The following ADAMTS18 variants were observed in gnomAD, a reference collection of about 807,000 sequenced individuals.
ADAMTS18 encodes ADAM metallopeptidase with thrombospondin type 1 motif 18.
A neutral mutation model predicts 165.9 loss-of-function variants in ADAMTS18; 157 were observed. The ratio of observed to expected loss-of-function variants is 0.95; its 90% confidence interval spans 0.83 to 1.08. The LOEUF (loss-of-function observed/expected upper bound fraction) is 1.08. ADAMTS18 is among the 50% of genes least tolerant of loss of function. The pLI, the probability that ADAMTS18 is intolerant of heterozygous loss-of-function variation, is 0.00. For missense variants in ADAMTS18, 2,040 were observed against 1,534.0 expected (o/e 1.33, Z -5.51); for synonymous variants, 782 against 578.2 (o/e 1.35, Z -5.06).
intron 3 of ADAMTS18, among the ~76,000 whole-genome samples, chr16:77,424,884 T>C (rs1245670086): frequency 2.6e-5 from 4 of 152,132 alleles, no homozygotes; most frequent in Non-Finnish European, 4.4e-5. Context: ...AAACCCCTAC[T>C]AGCTAACAAG....
chr16:77,310,313 A>C (rs1175296890), intron 16 of ADAMTS18, among the ~76,000 whole-genome samples: 2 of 152,206 alleles, frequency 1.3e-5, no homozygotes, highest in East Asian at 3.9e-4. Flanking sequence ...TAAATGAGTC[A>C]TTGTCTGATA....
At chr16:77,338,372 A>T (rs889513316) in intron 11 of ADAMTS18, among the ~76,000 whole-genome samples, 1 of 151,868 alleles carries the variant, frequency 6.6e-6, no homozygotes, top group Admixed American at 6.6e-5. Context: ...AGTAGCTGGG[A>T]TTACTGGCGT....
rs540796408 is a variant in ADAMTS18 at position 77,412,990 on chromosome 16, C to T, written c.495+18305G>A. Among the ~76,000 whole-genome samples the T allele has an allele frequency of 3.9e-5, 6 of 152,198 alleles. No individual in the cohort carries two copies. The East Asian group carries it at 9.7e-4, about 25-fold the overall frequency. ...GTGATTGCAAGCATGAGACACCATGCCTGGCCCTTATAATGCATTTCTTTA... is the reference window on the plus strand; with the variant it reads ...GTGATTGCAAGCATGAGACACCATGTCTGGCCCTTATAATGCATTTCTTTA... On this transcript the variant is annotated intron_variant, in intron 3 of 22. Transcript: ENST00000282849.
intron 16 of ADAMTS18, among the ~76,000 whole-genome samples, chr16:77,315,827 A>C (rs1468549636): frequency 6.6e-6 from 1 of 152,194 alleles, no homozygotes; most frequent in Non-Finnish European, 1.5e-5. Context: ...TTGCATATTC[A>C]TTCCAAGGCT....
At chr16:77,331,970 A>G (rs900870234) in intron 12 of ADAMTS18, among the ~76,000 whole-genome samples, 1 of 152,196 alleles carries the variant, frequency 6.6e-6, no homozygotes, top group African/African-American at 2.4e-5. Context: ...CTTTTGCTCT[A>G]GTGTCATTAT....
At chr16:77,296,136 A>C (rs1464328811) in intron 18 of ADAMTS18, among the ~76,000 whole-genome samples, 2 of 152,186 alleles carry the variant, frequency 1.3e-5, no homozygotes, top group African/African-American at 4.8e-5. Context: ...TGGTGAATGC[A>C]ACACTGCTTT....
chr16:77,323,415 AG>A (rs772111403), intron 13 of ADAMTS18, among the ~76,000 whole-genome samples: 5 of 152,202 alleles, frequency 3.3e-5, no homozygotes, highest in Admixed American at 6.5e-5. Flanking sequence ...GTGGGTTAAA[AG>A]GTTCTCTCCC....
rs1555529677 is a variant in ADAMTS18 at position 77,430,173 on chromosome 16, C to CAAAA, written c.495+1118_495+1121dup. Among the ~76,000 whole-genome samples, 22 of 151,710 alleles carry CAAAA rather than the reference C, an allele frequency of 1.5e-4. No individual in the cohort carries two copies. The South Asian group carries it at 1.5e-3, about 10-fold the overall frequency. On this transcript the variant is annotated intron_variant, in intron 3 of 22. Transcript: ENST00000282849. ...CAAAACAAACAAACAAACAAACAAA[C>CAAAA]AAAAAAACAAGATATAGTCATGTGT...
chr16:77,364,459 A>G, intron 4 of ADAMTS18, 78 bp from the exon 5 acceptor site: 1 of 1,473,646 alleles, frequency 6.8e-7, no homozygotes. Flanking sequence ...AACTGAAACA[A>G]GGGAAGAAGA....
At chr16:77,308,528 G>C (rs1027342345) in intron 16 of ADAMTS18, among the ~76,000 whole-genome samples, 16 of 150,466 alleles carry the variant, frequency 1.1e-4, no homozygotes, top group African/African-American at 3.9e-4. Context: ...CTCATCTCTA[G>C]TCACTTCTAG....
chr16:77,362,309 A>G, intron 6 of ADAMTS18, 45 bp from the exon 7 acceptor site: 1 of 1,604,164 alleles, frequency 6.2e-7, no homozygotes, highest in South Asian at 1.1e-5. Flanking sequence ...TGTCACAGAG[A>G]TGAGAATGCT....
At chr16:77,375,933 G>C (rs274521) in intron 3 of ADAMTS18, among the ~76,000 whole-genome samples, 111,019 of 132,964 alleles carry the variant, frequency 0.83, 45,897 homozygotes, top group East Asian at 0.92. Flanking sequence ...GACGGAGTTT[G>C]GCTCTTGTTG....
At chr16:77,397,615 A>C (rs1329140126) in intron 3 of ADAMTS18, among the ~76,000 whole-genome samples, 2 of 152,242 alleles carry the variant, frequency 1.3e-5, no homozygotes, top group African/African-American at 4.8e-5. Flanking sequence ...AGAGCATGAG[A>C]AGAAAATAGG....
At chr16:77,371,054 A>C (rs2056869215) in intron 3 of ADAMTS18, among the ~76,000 whole-genome samples, 1 of 152,104 alleles carries the variant, frequency 6.6e-6, no homozygotes, top group Non-Finnish European at 1.5e-5. Context: ...GTCTCTACAA[A>C]AACTACAAAT....
intron 3 of ADAMTS18, among the ~76,000 whole-genome samples, chr16:77,395,995 T>C (rs1388099062): frequency 6.6e-6 from 1 of 152,178 alleles, no homozygotes; most frequent in African/African-American, 2.4e-5. Flanking sequence ...CATTTAGTAT[T>C]CCTAACAGCA....
chr16:77,354,231 T>C lies in ADAMTS18; in HGVS notation c.1461-345A>G, dbSNP rs1597160175. On this transcript the variant is annotated intron_variant, in intron 9 of 22. Transcript: ENST00000282849. ...CAATTTGTACTGAGTCCCTACTCTG[T>C]GGCAAACCTTAGACAAAGCACTAAA... is the stretch of plus-strand genomic sequence containing the variant. Among the ~76,000 whole-genome samples the C allele has an allele frequency of 2.6e-5, 4 of 152,302 alleles. No homozygotes were observed. The South Asian group carries it at 8.3e-4, about 32-fold the overall frequency.
intron 12 of ADAMTS18, among the ~76,000 whole-genome samples, chr16:77,329,104 C>CT (rs368507724): frequency 0.021 from 3,090 of 145,578 alleles, 59 homozygotes; most frequent in African/African-American, 0.051. Flanking sequence ...GAGATTCTCT[C>CT]TTTTTTTTTT....
chr16:77,362,706 A>C (rs569539817), intron 6 of ADAMTS18, among the ~76,000 whole-genome samples: 4 of 151,508 alleles, frequency 2.6e-5, no homozygotes, highest in East Asian at 3.9e-4. Context: ...ATATAATGAA[A>C]ATTCACTGAA....
Position 77,321,132 on chromosome 16 carries a change from T to G in ADAMTS18, c.2234A>C (p.Asn745Thr), listed in dbSNP as rs774167487. The G allele has an allele frequency of 9.3e-6, 15 of 1,614,082 alleles. No homozygotes were observed. The highest frequency in any genetic ancestry group is 1.0e-5 in the Non-Finnish European group (12 of 1,180,022). The change falls in exon 15 of 23, where the codon AAT becomes ACT. Residue 745 changes from asparagine (N) to threonine (T), a missense_variant. By Grantham distance (65) the Asn-to-Thr change is moderately conservative (BLOSUM62 0). Transcript: ENST00000282849. ...GCCTTTATAAAACTTGCAAGTTGAA[T>G]TATCACCTTTGCAAACGCCACAAGC... ...SDACGVCKGD[N>T]STCKFYKGLY...
Sources: gnomAD v4.1 joint callset for allele counts (sites outside exome capture counted in the v4.1 genomes callset) on GRCh38, gnomAD v4.1.1 for gene constraint, MANE v1.5 for transcripts, NCBI Gene and HGNC (gene_info 2026-07-23, HGNC 2026-07-21) for gene names.